KMT2C: variants seen among roughly 807,000 people sequenced by gnomAD.
The protein encoded by KMT2C is histone-lysine N-methyltransferase 2C.
Under a neutral mutation model 507.9 loss-of-function variants are expected in KMT2C, and 88 were observed. That is an observed-to-expected ratio of 0.17 (90% CI 0.15 to 0.21). The LOEUF (loss-of-function observed/expected upper bound fraction) is 0.21. KMT2C is among the 10% of genes least tolerant of loss of function. KMT2C has a pLI of 1.00. For missense variants in KMT2C, 4,954 were observed against 5,957.8 expected, an observed-to-expected ratio of 0.83 and a Z score of 5.55; for synonymous variants, 2,049 against 2,080.8, an observed-to-expected ratio of 0.98 and a Z score of 0.42.
rs537871923 is a variant in KMT2C at position 152,248,056 on chromosome 7, G to A, written c.2378C>T (p.Ser793Leu). ...AGGGTAATTATGCAGCATGTCATGCGAAGGCAAGTCTGAAGAAGGTGTTGG... is the reference window on the plus strand; with the variant it reads ...AGGGTAATTATGCAGCATGTCATGCAAAGGCAAGTCTGAAGAAGGTGTTGG... ...SSPTPSSDLP[S>L]HDMLHNYPSA... is the part of the protein sequence containing the mutation. The change falls in exon 14 of 59, where the codon TCG (serine) becomes TTG (leucine). Residue 793 changes from serine (S) to leucine (L), a missense_variant. This residue lies in a region of KMT2C where 7 missense variants were observed against 72.6 expected (regional missense o/e 0.10). Transcript: ENST00000262189. The A allele has an allele frequency of 3.4e-5, 55 of 1,614,198 alleles. No homozygotes were observed. In the East Asian group the frequency reaches 6.7e-4, roughly 20 times the overall value.
chr7:152,281,508 G>C (rs2096207948), intron 6 of KMT2C, among the ~76,000 whole-genome samples: 1 of 152,166 alleles, frequency 6.6e-6, no homozygotes, highest in African/African-American at 2.4e-5. Flanking sequence ...GAGGTAGGTG[G>C]ATCACCTGAG....
chr7:152,344,711 G>T (rs1329649384), intron 2 of KMT2C, among the ~76,000 whole-genome samples: 1 of 152,142 alleles, frequency 6.6e-6, no homozygotes, highest in Non-Finnish European at 1.5e-5. Flanking sequence ...AGGCAGGCTG[G>T]GCATGGTGGC....
chr7:152,393,481 T>C (rs981510434), intron 1 of KMT2C, among the ~76,000 whole-genome samples: 2 of 152,236 alleles, frequency 1.3e-5, no homozygotes, highest in East Asian at 1.9e-4. Flanking sequence ...ACCTAACCAA[T>C]AGCCACTCCC....
intron 9 of KMT2C, among the ~76,000 whole-genome samples, chr7:152,259,446 G>GCACACACACACACACACACACA (rs372982101): frequency 1.8e-4 from 24 of 134,786 alleles, no homozygotes; most frequent in Non-Finnish European, 2.9e-4. Flanking sequence ...ACACACACGC[G>GCACACACACACACACACACACA]CACACACACA....
chr7:152,220,763 A>T (rs2129145817), intron 22 of KMT2C, 28 bp from the exon 23 acceptor site: 1 of 1,523,230 alleles, frequency 6.6e-7, no homozygotes, highest in Non-Finnish European at 9.1e-7. Context: ...CAAGGATACA[A>T]ATTTAAACTT....
chr7:152,180,264 TC>T, intron 36 of KMT2C, 138 bp from the exon 37 acceptor site: 2 of 871,770 alleles, frequency 2.3e-6, no homozygotes, highest in Non-Finnish European at 3.6e-6. Context: ...CAAGTGATCC[TC>T]CTGTCTCAGC....
intron 16 of KMT2C, among the ~76,000 whole-genome samples, chr7:152,235,466 A>T (rs368507411): frequency 1.3e-5 from 2 of 151,742 alleles, no homozygotes; most frequent in Non-Finnish European, 2.9e-5. Flanking sequence ...TAGTTAGCAA[A>T]TATATTTGCA....
intron 1 of KMT2C, among the ~76,000 whole-genome samples, chr7:152,408,893 T>C (rs1014230339): frequency 2.1e-4 from 32 of 152,066 alleles, no homozygotes; most frequent in African/African-American, 7.7e-4. Context: ...AACAGTCTAA[T>C]ATGAATTTAA....
chr7:152,281,393 T>A (rs1244113565), intron 6 of KMT2C, among the ~76,000 whole-genome samples: 1 of 148,676 alleles, frequency 6.7e-6, no homozygotes, highest in African/African-American at 2.6e-5. Context: ...CAGTAAGCAT[T>A]ATTATTTGCC....
At chr7:152,423,488 A>G (rs1178740211) in intron 1 of KMT2C, among the ~76,000 whole-genome samples, 1 of 152,160 alleles carries the variant, frequency 6.6e-6, no homozygotes, top group Non-Finnish European at 1.5e-5. Context: ...TCCTTTCTGT[A>G]TTTTGCTTCA....
At chr7:152,201,388 C>T (rs942633457) in intron 26 of KMT2C, among the ~76,000 whole-genome samples, 32 of 151,714 alleles carry the variant, frequency 2.1e-4, no homozygotes, top group African/African-American at 7.3e-4. Flanking sequence ...ACTAAGATCA[C>T]AGCAGTAATT....
chr7:152,182,635 A>G, intron 35 of KMT2C, 41 bp from the exon 36 acceptor site: 1 of 1,498,072 alleles, frequency 6.7e-7, no homozygotes, highest in Non-Finnish European at 8.9e-7. Flanking sequence ...ATTTAGGTTA[A>G]GGAAGAAAAC....
chr7:152,359,674 CAAA>C (rs962089457), intron 1 of KMT2C, among the ~76,000 whole-genome samples: 2 of 149,900 alleles, frequency 1.3e-5, no homozygotes, highest in African/African-American at 2.5e-5. Context: ...AGAAAAAAAA[CAAA>C]GAAGGGAGGG....
At chr7:152,397,934 C>T (rs2097546984) in intron 1 of KMT2C, among the ~76,000 whole-genome samples, 1 of 152,120 alleles carries the variant, frequency 6.6e-6, no homozygotes, top group African/African-American at 2.4e-5. Flanking sequence ...ATGTCTTTAT[C>T]AGCAGTAAAC....
At chr7:152,154,524 G>T in intron 46 of KMT2C, 79 bp from the exon 47 acceptor site, 2 of 1,214,142 alleles carry the variant, frequency 1.6e-6, no homozygotes, top group Non-Finnish European at 2.4e-6. Flanking sequence ...GCTGACATCT[G>T]TGAATACAGC....
At chr7:152,295,459 A>T (rs1469363028) in intron 6 of KMT2C, among the ~76,000 whole-genome samples, 4 of 152,190 alleles carry the variant, frequency 2.6e-5, no homozygotes, top group African/African-American at 9.6e-5. Context: ...CAAACCCTGT[A>T]AAGGGTGACC....
At chr7:152,410,224 A>G (rs1451735804) in intron 1 of KMT2C, among the ~76,000 whole-genome samples, 1 of 152,284 alleles carries the variant, frequency 6.6e-6, no homozygotes, top group Non-Finnish European at 1.5e-5. Context: ...AGCCTGACCA[A>G]CATGGTGAAA....
intron 1 of KMT2C, among the ~76,000 whole-genome samples, chr7:152,374,639 C>CT (rs1349262660): frequency 2.0e-5 from 3 of 152,092 alleles, no homozygotes; most frequent in African/African-American, 7.2e-5. Flanking sequence ...TGGCTCATGC[C>CT]TGTAATCCCA....
intron 7 of KMT2C, among the ~76,000 whole-genome samples, chr7:152,269,965 T>C (rs1292243546): frequency 6.6e-6 from 1 of 152,200 alleles, no homozygotes; most frequent in Non-Finnish European, 1.5e-5. Context: ...GATGAAACTA[T>C]TACTTAAGAA....
Sources: allele counts gnomAD v4.1 joint callset (sites outside exome capture counted in the v4.1 genomes callset), GRCh38; gene constraint gnomAD v4.1.1; regional missense constraint gnomAD v4.1.1; transcripts MANE v1.5; gene names NCBI Gene and HGNC (gene_info 2026-07-23, HGNC 2026-07-21).